The following CDC42BPB variants were observed in gnomAD, a reference collection of about 807,000 sequenced individuals.
The protein encoded by CDC42BPB is CDC42 binding protein kinase beta.
In CDC42BPB, 37 loss-of-function variants were observed where a neutral mutation model predicts 214.9. The observed-to-expected ratio is 0.17, with a 90% CI of 0.13 to 0.23. The LOEUF is 0.23. Among genes scored for constraint, CDC42BPB ranks in the 10% least tolerant of loss-of-function variants. CDC42BPB has a pLI of 1.00. For synonymous variants in CDC42BPB, 931 were observed against 884.0 expected, an observed-to-expected ratio of 1.05 and a Z score of -0.94; for missense variants, 1,694 against 2,227.0, an observed-to-expected ratio of 0.76 and a Z score of 4.82.
intron 1 of CDC42BPB, among the ~76,000 whole-genome samples, chr14:103,052,696 G>A (rs565268664): frequency 5.6e-4 from 85 of 152,234 alleles, no homozygotes; most frequent in South Asian, 2.1e-3. Context: ...GAAGATGCCC[G>A]GACTGGGGAC....
chr14:103,032,555 AAG>A (rs1196168326), intron 1 of CDC42BPB, among the ~76,000 whole-genome samples: 4 of 150,246 alleles, frequency 2.7e-5, no homozygotes, highest in African/African-American at 9.8e-5. Context: ...AAAAAAAAAA[AAG>A]GAGAGAGAAA....
In CDC42BPB at chr14:102,978,273, G is replaced by A. The variant is rs928695140; in HGVS notation, c.1141-68C>T. On this transcript the variant is annotated intron_variant, in intron 8 of 36. Coordinates refer to ENST00000361246, the MANE Select transcript of CDC42BPB (RefSeq NM_006035.4). ...ACAAACAGGTAAAAAGAGGAAAGAT[G>A]GTTACAGTCATGGTGACAGGAGGCA... 5 of 1,598,550 alleles carry A rather than the reference G, an allele frequency of 3.1e-6. No homozygotes were observed. In the Admixed American group the frequency reaches 5.1e-5, roughly 16 times the overall value.
chr14:102,981,602 G>A (rs147242265), intron 7 of CDC42BPB, among the ~76,000 whole-genome samples: 1 of 152,280 alleles, frequency 6.6e-6, no homozygotes, highest in Non-Finnish European at 1.5e-5. Flanking sequence ...CCAACAAGGT[G>A]AAACCCTGTC....
chr14:102,992,176 G>A (rs1894524368), intron 5 of CDC42BPB, among the ~76,000 whole-genome samples: 2 of 152,174 alleles, frequency 1.3e-5, no homozygotes, highest in South Asian at 4.1e-4. Flanking sequence ...TCTGGGTGCT[G>A]CTGTGAGCGT....
At chr14:103,008,080 G>A (rs938124686) in intron 3 of CDC42BPB, among the ~76,000 whole-genome samples, 18 of 152,164 alleles carry the variant, frequency 1.2e-4, no homozygotes, top group African/African-American at 2.7e-4. Context: ...ATTTCTAATC[G>A]TGAGGATCCT....
intron 1 of CDC42BPB, among the ~76,000 whole-genome samples, chr14:103,036,319 A>AT (rs982422751): frequency 6.6e-5 from 10 of 150,392 alleles, no homozygotes; most frequent in African/African-American, 2.2e-4. Flanking sequence ...CGCCCGGCTA[A>AT]TTTTTTTTTG....
intron 1 of CDC42BPB, among the ~76,000 whole-genome samples, chr14:103,017,979 T>C (rs1886559166): frequency 6.6e-6 from 1 of 152,228 alleles, no homozygotes; most frequent in African/African-American, 2.4e-5. Context: ...CAGGGGCCAC[T>C]TTCATGGAAG....
chr14:103,047,987 A>T (rs899090994), intron 1 of CDC42BPB, among the ~76,000 whole-genome samples: 8 of 151,974 alleles, frequency 5.3e-5, no homozygotes, highest in African/African-American at 1.9e-4. Context: ...TAGAAGATTC[A>T]CTCCACCAAA....
chr14:102,964,949 T>A, intron 18 of CDC42BPB: 1 of 272,568 alleles, frequency 3.7e-6, no homozygotes, highest in Non-Finnish European at 5.6e-6. Flanking sequence ...GTTTGAGATG[T>A]AGTTTCGCTC....
chr14:102,954,502 G>T, intron 22 of CDC42BPB, 100 bp downstream of exon 22: 1 of 1,369,444 alleles, frequency 7.3e-7, no homozygotes. Flanking sequence ...AGAGGCCCTC[G>T]CTGCAAACTG....
Position 103,038,023 on chromosome 14 carries a change from C to A in CDC42BPB, c.175+18976G>T, listed in dbSNP as rs1193879598. ...CAGCCTGGGCAACAGAGCAAGACTC[C>A]GTCTCAAAAAAAAAAAAGAATTTTA... On this transcript the variant is annotated intron_variant, in intron 1 of 36. Coordinates refer to ENST00000361246, the MANE Select transcript of CDC42BPB (RefSeq NM_006035.4). Among the ~76,000 whole-genome samples the A allele has an allele frequency of 2.3e-5, 3 of 128,454 alleles. No individual in the cohort carries two copies. In the Admixed American group the frequency reaches 2.4e-4, roughly 10 times the overall value. The allele number at this position is 128,454 out of a possible 152,430, so 84.3% of individuals were successfully genotyped here.
In CDC42BPB at chr14:102,983,642, C is replaced by T. The variant is rs1164545056; in HGVS notation, c.805G>A (p.Val269Ile). ...CCATAGAGCATCTCATACATGCAGA[C>T]ACCCAGAGACCACCAGTCACACTCA... is the stretch of plus-strand genomic sequence containing the variant. ...GPECDWWSLG[V>I]CMYEMLYGET... The change falls in exon 7 of 37, where the codon GTC (valine) becomes ATC (isoleucine). Residue 269 changes from valine to isoleucine, a missense_variant. Physicochemically the swap from Val to Ile is conservative, Grantham distance 29. Coordinates refer to ENST00000361246, the MANE Select transcript of CDC42BPB (RefSeq NM_006035.4). 3 of 1,613,852 alleles carry T rather than the reference C, an allele frequency of 1.9e-6. No homozygotes were observed. Among genetic ancestry groups the T allele is most frequent in the South Asian group, 1.1e-5 (1 of 91,078 alleles).
chr14:103,006,252 C>T (rs1885812155), intron 3 of CDC42BPB, among the ~76,000 whole-genome samples: 1 of 152,188 alleles, frequency 6.6e-6, no homozygotes, highest in African/African-American at 2.4e-5. Flanking sequence ...AGAACGCGCC[C>T]CCAAAAAGAA....
At chr14:102,978,026 C>T (rs1321187425) in intron 9 of CDC42BPB, 100 bp downstream of exon 9, 1 of 882,056 alleles carries the variant, frequency 1.1e-6, no homozygotes, top group Non-Finnish European at 1.9e-6. Context: ...CCAGCGCACA[C>T]ACCACCCACT....
At chr14:102,941,093 C>A (rs1000491638) in intron 30 of CDC42BPB, 2 of 977,302 alleles carry the variant, frequency 2.0e-6, no homozygotes, top group Non-Finnish European at 2.4e-6. Flanking sequence ...CTGTGCCACA[C>A]GACAAGGGAG....
At chr14:102,966,765 G>A (rs551527472) in intron 17 of CDC42BPB, among the ~76,000 whole-genome samples, 8 of 152,344 alleles carry the variant, frequency 5.3e-5, no homozygotes, top group South Asian at 4.1e-4. Context: ...TTCTGCAGCC[G>A]CTTTGGGAGG....
intron 3 of CDC42BPB, among the ~76,000 whole-genome samples, chr14:103,007,063 A>C (rs757616955): frequency 9.9e-5 from 15 of 152,178 alleles, no homozygotes; most frequent in Non-Finnish European, 1.9e-4. Flanking sequence ...TGACTGAGTG[A>C]AGATGGAGGA....
chr14:102,986,407 G>T, intron 6 of CDC42BPB, 80 bp downstream of exon 6: 1 of 870,126 alleles, frequency 1.1e-6, no homozygotes, highest in Non-Finnish European at 1.8e-6. Context: ...TTTCTTAATT[G>T]TACCTCAAAT....
Position 102,978,351 on chromosome 14 carries a change from G to A in CDC42BPB, c.1141-146C>T, listed in dbSNP as rs1284609720. The stretch of plus-strand genomic sequence containing the variant: ...TGCGGATTCCATGGTGTCCTCTGCA[G>A]GGGAGATGAGTATAGCAGATCTGTC... On this transcript the variant is annotated intron_variant, in intron 8 of 36. Coordinates refer to ENST00000361246, the MANE Select transcript of CDC42BPB (RefSeq NM_006035.4). 13 of 1,481,026 alleles carry A rather than the reference G, an allele frequency of 8.8e-6. No individual in the cohort carries two copies. The South Asian group carries it at 1.7e-4, about 19-fold the overall frequency. The allele number at this position is 1,481,026 out of a possible 1,614,324, so 91.7% of individuals were successfully genotyped here.
Sources: allele counts gnomAD v4.1 joint callset (sites outside exome capture counted in the v4.1 genomes callset), GRCh38; gene constraint gnomAD v4.1.1; transcripts MANE v1.5; gene names NCBI Gene and HGNC (gene_info 2026-07-23, HGNC 2026-07-21).